TTC29: variants seen among roughly 807,000 people sequenced by gnomAD.
TTC29 encodes the protein tetratricopeptide repeat domain 29.
In TTC29, 49 loss-of-function variants were observed where a neutral mutation model predicts 58.1. The ratio of observed to expected loss-of-function variants is 0.84; its 90% CI spans 0.67 to 1.07. The LOEUF is 1.07. TTC29 is among the 50% of genes least tolerant of loss of function. TTC29 has a pLI of 0.00. For missense variants in TTC29, 582 were observed against 555.6 expected, an observed-to-expected ratio of 1.05 and a Z score of -0.48; for synonymous variants, 209 against 196.8, an observed-to-expected ratio of 1.06 and a Z score of -0.52.
At chr4:146,764,614 T>C (rs1747152138) in intron 11 of TTC29, among the ~76,000 whole-genome samples, 1 of 152,092 alleles carries the variant, frequency 6.6e-6, no homozygotes, top group South Asian at 2.1e-4. Context: ...TATGTAAGAA[T>C]TTTTCCTATT....
At chr4:146,868,312 T>C (rs1401464796) in intron 7 of TTC29, among the ~76,000 whole-genome samples, 1 of 152,062 alleles carries the variant, frequency 6.6e-6, no homozygotes, top group Non-Finnish European at 1.5e-5. Flanking sequence ...GCATGGCACC[T>C]GTATACATAT....
In TTC29 at chr4:146,942,668, C is replaced by A. The variant is rs1433638269; in HGVS notation, c.-7+2363G>T. 5 of 1,520,558 alleles carry A rather than the reference C, an allele frequency of 3.3e-6. No individual in the cohort carries two copies. The South Asian group carries it at 4.9e-5, about 15-fold the overall frequency. 94.2% of individuals were successfully genotyped at this position (1,520,558 alleles called of 1,614,324 possible). A position where few individuals can be genotyped will look rare whatever the true frequency, so the allele number is the denominator to read the frequency against. On this transcript the variant is annotated intron_variant, in intron 2 of 12. Coordinates refer to ENST00000325106, the MANE Select transcript of TTC29 (RefSeq NM_031956.4). ...ACATCGGAATCATCTAAGTTCTTAACCCACACCAGTGTAGCCCTAGTAAAT... is the reference window on the plus strand; with the variant it reads ...ACATCGGAATCATCTAAGTTCTTAAACCACACCAGTGTAGCCCTAGTAAAT...
chr4:146,843,481 T>C (rs1392894739), intron 8 of TTC29, among the ~76,000 whole-genome samples: 1 of 152,130 alleles, frequency 6.6e-6, no homozygotes, highest in Non-Finnish European at 1.5e-5. Context: ...CATTGACTGC[T>C]TACGTTGCCC....
intron 11 of TTC29, among the ~76,000 whole-genome samples, chr4:146,783,096 CTTAT>C (rs1254752277): frequency 6.6e-6 from 1 of 151,902 alleles, no homozygotes; most frequent in African/African-American, 2.4e-5. Context: ...TATTTATTTA[CTTAT>C]TTAAATTCAC....
chr4:146,749,793 GA>G (rs932336887), intron 11 of TTC29, among the ~76,000 whole-genome samples: 5 of 152,016 alleles, frequency 3.3e-5, no homozygotes, highest in African/African-American at 1.2e-4. Context: ...AGCAGCAAGA[GA>G]AAAACATCAA....
At chr4:146,826,894 C>CTGATTTGGT (rs1727836012) in intron 9 of TTC29, among the ~76,000 whole-genome samples, 2 of 150,826 alleles carry the variant, frequency 1.3e-5, no homozygotes, top group South Asian at 4.2e-4. Context: ...TTCTGCTTGG[C>CTGATTTGGT]TGTTGATACT....
intron 6 of TTC29, among the ~76,000 whole-genome samples, chr4:146,875,249 C>T (rs1731181791): frequency 6.6e-6 from 1 of 152,152 alleles, no homozygotes; most frequent in East Asian, 1.9e-4. Flanking sequence ...ATTTCTTTAA[C>T]ATTATGTATG....
chr4:146,884,996 A>G (rs1196043855), intron 6 of TTC29, among the ~76,000 whole-genome samples: 22 of 152,096 alleles, frequency 1.4e-4, no homozygotes, highest in Admixed American at 1.4e-3. Flanking sequence ...GTCAAAATCT[A>G]TTGACAGCAA....
intron 11 of TTC29, among the ~76,000 whole-genome samples, chr4:146,795,166 G>A (rs956472238): frequency 6.6e-6 from 1 of 152,122 alleles, no homozygotes; most frequent in African/African-American, 2.4e-5. Flanking sequence ...ATTTGGGTAT[G>A]GTGAATATTG....
chr4:146,729,964 A>G (rs1267390006), intron 11 of TTC29, among the ~76,000 whole-genome samples: 2 of 151,906 alleles, frequency 1.3e-5, no homozygotes, highest in African/African-American at 2.4e-5. Context: ...AAGCCAAACC[A>G]TATTAGGTGG....
chr4:146,802,754 C>T (rs1561139038), intron 11 of TTC29, among the ~76,000 whole-genome samples: 1 of 152,130 alleles, frequency 6.6e-6, no homozygotes, highest in East Asian at 1.9e-4. Flanking sequence ...TTGATTTGCA[C>T]ACAAATAAAA....
intron 7 of TTC29, among the ~76,000 whole-genome samples, chr4:146,870,508 A>G (rs955868527): frequency 2.6e-5 from 4 of 152,032 alleles, no homozygotes; most frequent in Admixed American, 6.6e-5. Flanking sequence ...AATGAATAAC[A>G]TAAAGAATAG....
chr4:146,854,020 T>C (rs1305217172), intron 8 of TTC29, among the ~76,000 whole-genome samples: 2 of 152,124 alleles, frequency 1.3e-5, no homozygotes, highest in African/African-American at 2.4e-5. Context: ...GGTGGATAAA[T>C]GCACCAGCTC....
chr4:146,725,944 T>C (rs1416950660), intron 11 of TTC29, among the ~76,000 whole-genome samples: 1 of 152,120 alleles, frequency 6.6e-6, no homozygotes, highest in Non-Finnish European at 1.5e-5. Context: ...GTAATTATAG[T>C]CCACTGCAGC....
chr4:146,942,295 G>A (rs1000184225), intron 2 of TTC29, among the ~76,000 whole-genome samples: 6 of 152,150 alleles, frequency 3.9e-5, no homozygotes, highest in African/African-American at 1.4e-4. Flanking sequence ...CCTTTAAAGG[G>A]TCTATGCTTT....
At chr4:146,803,768 C>T in intron 10 of TTC29, 83 bp from the exon 11 acceptor site, 3 of 1,059,606 alleles carry the variant, frequency 2.8e-6, no homozygotes, top group Non-Finnish European at 4.0e-6. Flanking sequence ...CTGGCATGTC[C>T]CACACTGACC....
chr4:146,877,180 T>G (rs1731322491), intron 6 of TTC29, among the ~76,000 whole-genome samples: 1 of 152,038 alleles, frequency 6.6e-6, no homozygotes, highest in Admixed American at 6.6e-5. Flanking sequence ...TTAGGAAACA[T>G]AAAAAAACAT....
At chr4:146,875,223 C>G (rs144829280) in intron 6 of TTC29, among the ~76,000 whole-genome samples, 48 of 152,216 alleles carry the variant, frequency 3.2e-4, no homozygotes, top group African/African-American at 1.1e-3. Flanking sequence ...TATTAATAGC[C>G]ATCATATTGG....
chr4:146,816,136 A>C (rs1010269898), intron 10 of TTC29, among the ~76,000 whole-genome samples: 1 of 151,656 alleles, frequency 6.6e-6, no homozygotes, highest in African/African-American at 2.4e-5. Flanking sequence ...GTTAAATTTC[A>C]TCAGTTCATC....
Sources: gnomAD v4.1 joint callset for allele counts (sites outside exome capture counted in the v4.1 genomes callset) on GRCh38, gnomAD v4.1.1 for gene constraint, MANE v1.5 for transcripts, NCBI Gene and HGNC (gene_info 2026-07-23, HGNC 2026-07-21) for gene names.